Variants in TSGA10 observed in about 807,000 individuals in gnomAD.
TSGA10 encodes testis specific 10.
A neutral mutation model predicts 96.6 loss-of-function variants in TSGA10; 43 were observed. The ratio of observed to expected loss-of-function variants is 0.44; its 90% CI spans 0.35 to 0.57. TSGA10 has a LOEUF of 0.57. TSGA10 is among the 20% of genes least tolerant of loss of function. TSGA10 has a pLI of 0.01. For synonymous variants in TSGA10, 229 were observed against 269.9 expected (o/e 0.85, Z 1.48); for missense variants, 703 against 834.4 (o/e 0.84, Z 1.94).
chr2:98,998,681 T>C (rs2077639473), intron 20 of TSGA10, among the ~76,000 whole-genome samples: 3 of 152,122 alleles, frequency 2.0e-5, no homozygotes, highest in Non-Finnish European at 1.5e-5. Context: ...TGTGTGTGGA[T>C]TGTAAAAAAT....
At chr2:99,094,614 A>G in intron 10 of TSGA10, among the ~76,000 whole-genome samples, 1 of 152,270 alleles carries the variant, frequency 6.6e-6, no homozygotes, top group South Asian at 2.1e-4. Flanking sequence ...AATTTTCAAA[A>G]GAAGATATAC....
At chr2:99,086,917 T>A (rs956239772) in intron 10 of TSGA10, among the ~76,000 whole-genome samples, 8 of 150,238 alleles carry the variant, frequency 5.3e-5, no homozygotes, top group Non-Finnish European at 1.2e-4. Flanking sequence ...AAAAAAAAAA[T>A]TTGGGGGCCG....
chr2:99,077,872 C>T (rs917719718), intron 12 of TSGA10, among the ~76,000 whole-genome samples: 4 of 152,004 alleles, frequency 2.6e-5, no homozygotes, highest in South Asian at 2.1e-4. Flanking sequence ...TGCACGCGGC[C>T]GGCAACATCT....
intron 7 of TSGA10, 86 bp from the exon 8 acceptor site, chr2:99,105,783 C>T (rs1574407560): frequency 9.3e-7 from 1 of 1,079,108 alleles, no homozygotes; most frequent in East Asian, 2.4e-5. Context: ...AGTTAAAATG[C>T]AAACCTACAT....
chr2:99,117,514 T>G (rs941809374), intron 4 of TSGA10, 30 bp downstream of exon 4: 1 of 958,420 alleles, frequency 1.0e-6, no homozygotes, highest in African/African-American at 1.8e-5. Flanking sequence ...AAAGTAAAAT[T>G]AAAATCCTTA....
At chr2:99,122,169 T>C (rs1300625952) in intron 2 of TSGA10, among the ~76,000 whole-genome samples, 1 of 152,256 alleles carries the variant, frequency 6.6e-6, no homozygotes, top group African/African-American at 2.4e-5. Context: ...ACTGTAGTTA[T>C]AAGTGTTGAA....
Position 99,018,659 on chromosome 2 carries a change from G to C in TSGA10, c.1818-19C>G, listed in dbSNP as rs775471232. On this transcript the variant is annotated intron_variant, in intron 18 of 20. Transcript: ENST00000393483. ...GATGGCCCTGTTTAAAAGAAGATAA[G>C]AGTTATAGTTGACTAAACTTAAAAT... 4 of 1,590,850 alleles carry C rather than the reference G, an allele frequency of 2.5e-6. No individual in the cohort carries two copies. The highest frequency in any genetic ancestry group is 3.4e-6 in the Non-Finnish European group (4 of 1,169,744).
chr2:99,141,206 C>A, intron 1 of TSGA10: 1 of 1,143,214 alleles, frequency 8.7e-7, no homozygotes, highest in Admixed American at 3.3e-5. Context: ...ATCCTCCGCC[C>A]CTTTCTCCTC....
chr2:99,127,738 A>G (rs1247830966), intron 1 of TSGA10, among the ~76,000 whole-genome samples: 1 of 152,202 alleles, frequency 6.6e-6, no homozygotes, highest in African/African-American at 2.4e-5. Context: ...TTTAACCATC[A>G]CATGGCAAAG....
intron 15 of TSGA10, among the ~76,000 whole-genome samples, 176 bp downstream of exon 15, chr2:99,068,712 C>A (rs2085557336): frequency 6.6e-6 from 1 of 152,124 alleles, no homozygotes; most frequent in Non-Finnish European, 1.5e-5. Flanking sequence ...GGGGCATATT[C>A]TCCAGGCATC....
At chr2:99,128,462 G>C (rs1336142644) in intron 1 of TSGA10, among the ~76,000 whole-genome samples, 1 of 152,168 alleles carries the variant, frequency 6.6e-6, no homozygotes, top group Admixed American at 6.5e-5. Flanking sequence ...CTCCTCACTA[G>C]AGCAGTACTG....
intron 19 of TSGA10, 24 bp from the exon 20 acceptor site, chr2:99,018,373 A>C: frequency 6.2e-7 from 1 of 1,607,310 alleles, no homozygotes; most frequent in East Asian, 2.2e-5. Flanking sequence ...GTGATGCTTT[A>C]AATTTTATAT....
chr2:99,070,460 TA>T (rs2085825163), intron 14 of TSGA10, among the ~76,000 whole-genome samples: 1 of 152,088 alleles, frequency 6.6e-6, no homozygotes, highest in Non-Finnish European at 1.5e-5. Flanking sequence ...TGTATAAAAA[TA>T]GTGTTAAAAT....
intron 6 of TSGA10, 48 bp downstream of exon 6, chr2:99,109,341 G>C (rs373224845): frequency 1.7e-5 from 26 of 1,566,312 alleles, no homozygotes; most frequent in African/African-American, 2.7e-5. Context: ...ATAAAAGCCA[G>C]TGTCTGGGCA....
chr2:99,083,043 C>A (rs1243634952), intron 10 of TSGA10, among the ~76,000 whole-genome samples: 1 of 151,568 alleles, frequency 6.6e-6, no homozygotes, highest in African/African-American at 2.4e-5. Context: ...ACAAATAAAA[C>A]AATGAAAAAA....
Position 99,023,367 on chromosome 2 carries a change from C to T in TSGA10, c.1615-2885G>A, listed in dbSNP as rs952507087. Among the ~76,000 whole-genome samples, 5 of 152,002 alleles carry T rather than the reference C, an allele frequency of 3.3e-5. No homozygotes were observed. In the East Asian group the frequency reaches 9.6e-4, roughly 29 times the overall value. On this transcript the variant is annotated intron_variant, in intron 17 of 20. Coordinates refer to ENST00000393483, the MANE Select transcript of TSGA10 (RefSeq NM_025244.4). ...TTCTCACATCTTGTGCATCGTCTTG[C>T]CACTTTCTTGATGATATCATTTGCA...
intron 10 of TSGA10, among the ~76,000 whole-genome samples, chr2:99,086,081 G>T (rs1036020520): frequency 2.0e-5 from 3 of 152,136 alleles, no homozygotes; most frequent in Admixed American, 6.5e-5. Context: ...CAACTGCATT[G>T]CCCTGAGTGA....
chr2:99,116,259 T>C (rs1380223759), intron 4 of TSGA10, among the ~76,000 whole-genome samples: 1 of 152,232 alleles, frequency 6.6e-6, no homozygotes, highest in Non-Finnish European at 1.5e-5. Flanking sequence ...ATATGCTCTA[T>C]CTTGCTTATC....
At chr2:99,150,360 A>C in intron 1 of TSGA10, 1 of 562,440 alleles carries the variant, frequency 1.8e-6, no homozygotes, top group East Asian at 3.0e-5. Context: ...AAACACTGAA[A>C]GGTAGGAGGC....
Sources: allele counts gnomAD v4.1 joint callset (sites outside exome capture counted in the v4.1 genomes callset), GRCh38; gene constraint gnomAD v4.1.1; transcripts MANE v1.5; gene names NCBI Gene and HGNC (gene_info 2026-07-23, HGNC 2026-07-21).